HIF1A: variants seen among roughly 807,000 people sequenced by gnomAD.
The protein encoded by HIF1A is hypoxia inducible factor 1 subunit alpha, also known as hypoxia-inducible factor 1-alpha.
HIF1A carries 24 observed loss-of-function variants against 92.7 expected under a neutral mutation model. That is an observed-to-expected ratio of 0.26 (90% confidence interval 0.19 to 0.36). HIF1A has a LOEUF of 0.36. Among genes scored for constraint, HIF1A ranks in the 10% least tolerant of loss-of-function variants. The pLI, the probability that HIF1A is intolerant of heterozygous loss-of-function variation, is 1.00. For synonymous variants in HIF1A, 319 were observed against 338.7 expected, an observed-to-expected ratio of 0.94 and a Z score of 0.64; for missense variants, 799 against 998.5, an observed-to-expected ratio of 0.80 and a Z score of 2.69.
intron 1 of HIF1A, among the ~76,000 whole-genome samples, chr14:61,712,986 A>G (rs1326291677): frequency 6.6e-6 from 1 of 151,782 alleles, no homozygotes; most frequent in African/African-American, 2.4e-5. Flanking sequence ...AAACAAAATG[A>G]TGTTTGAATT....
intron 1 of HIF1A, among the ~76,000 whole-genome samples, chr14:61,704,311 G>C (rs939704618): frequency 2.6e-5 from 4 of 152,166 alleles, no homozygotes; most frequent in African/African-American, 4.8e-5. Context: ...TGGCAGAATA[G>C]TTACTGATGC....
chr14:61,720,117 G>A (rs1031568276), intron 1 of HIF1A, among the ~76,000 whole-genome samples: 1 of 152,146 alleles, frequency 6.6e-6, no homozygotes, highest in Non-Finnish European at 1.5e-5. Flanking sequence ...TACATATGCT[G>A]GGGAGGAAAC....
At chr14:61,723,006 C>T (rs886868093) in intron 4 of HIF1A, among the ~76,000 whole-genome samples, 2 of 152,094 alleles carry the variant, frequency 1.3e-5, no homozygotes, top group South Asian at 4.1e-4. Flanking sequence ...ACATTTGTGC[C>T]TTCTTAAGCA....
At chr14:61,736,208 C>T (rs1348890932) in intron 8 of HIF1A, among the ~76,000 whole-genome samples, 1 of 152,114 alleles carries the variant, frequency 6.6e-6, no homozygotes, top group Non-Finnish European at 1.5e-5. Flanking sequence ...AACTCCCAGG[C>T]TCAAGCGATC....
chr14:61,733,992 G>T lies in HIF1A; in HGVS notation c.881-146G>T, dbSNP rs1428237688. 5.7e-6 allele frequency: 3 copies of T among 524,268 alleles called. No homozygotes were observed. The African/African-American group carries it at 5.9e-5, about 10-fold the overall frequency. The allele number at this position is 524,268 out of a possible 1,614,324, so 32.5% of individuals were successfully genotyped here. On this transcript the variant is annotated intron_variant, in intron 7 of 14. Coordinates refer to ENST00000337138, the MANE Select transcript of HIF1A (RefSeq NM_001530.4). ...ATTTTCAGCTATTCTGGGACGCACT[G>T]TCAGAATGTAAGCAGTTACAACTGA...
intron 14 of HIF1A, among the ~76,000 whole-genome samples, chr14:61,746,524 C>T (rs1034113387): frequency 1.3e-5 from 2 of 151,604 alleles, no homozygotes; most frequent in African/African-American, 4.9e-5. Context: ...CTACCTCAGC[C>T]TCCTGAGTAG....
chr14:61,726,857 T>A (rs1458740962), intron 5 of HIF1A, 39 bp downstream of exon 5: 1 of 1,137,240 alleles, frequency 8.8e-7, no homozygotes, highest in Non-Finnish European at 1.3e-6. Context: ...TACACTTTAT[T>A]TATACATAGA....
chr14:61,706,002 T>G (rs1594858429), intron 1 of HIF1A, among the ~76,000 whole-genome samples: 1 of 152,300 alleles, frequency 6.6e-6, no homozygotes, highest in Non-Finnish European at 1.5e-5. Flanking sequence ...TTATGCATCT[T>G]CTATTAAAGT....
In HIF1A at chr14:61,741,162, C is replaced by T. The variant is rs776789375; in HGVS notation, c.2067C>T (p.Asn689=). Residue 689 remains asparagine, a synonymous_variant, in exon 12 of 15, where the codon AAC becomes AAT. Transcript: ENST00000337138. ...QTEKSHPRSP[N]VLSVALSQRT... ...AAAAATCTCATCCAAGAAGCCCTAA[C>T]GTGTTATCTGTCGCTTTGAGTCAAA... 26 of 1,604,964 alleles carry T rather than the reference C, an allele frequency of 1.6e-5. No individual in the cohort carries two copies. The South Asian group carries it at 2.0e-4, about 12-fold the overall frequency.
At position 61,734,128 on chromosome 14, in the gene HIF1A, TC is replaced by T. The variant is rs112401635; in HGVS notation, c.881-4del. 2.6e-6 allele frequency: 4 copies of T among 1,512,754 alleles called. No homozygotes were observed. Among genetic ancestry groups the T allele is most frequent in the Non-Finnish European group, 3.5e-6 (4 of 1,127,594 alleles). 93.7% of individuals were successfully genotyped at this position (1,512,754 alleles called of 1,614,324 possible). On this transcript the variant is annotated splice_polypyrimidine_tract_variant and intron_variant, in intron 7 of 14. Transcript: ENST00000337138. ...TTTCTCTGCATGATTCTTTTTCTTT[TC>T]CCCCCTAGTGTTTACTAAAGGACAA...
At chr14:61,746,890 T>C in intron 14 of HIF1A, 44 bp from the exon 15 acceptor site, 2 of 1,452,792 alleles carry the variant, frequency 1.4e-6, no homozygotes, top group South Asian at 1.3e-5. Flanking sequence ...TAAATATTCA[T>C]TGACTAGATG....
intron 1 of HIF1A, among the ~76,000 whole-genome samples, chr14:61,706,253 C>G (rs567324413): frequency 6.6e-6 from 1 of 152,270 alleles, no homozygotes; most frequent in Admixed American, 6.5e-5. Context: ...TGATTCTTCA[C>G]TCTTGAATGT....
intron 1 of HIF1A, among the ~76,000 whole-genome samples, chr14:61,713,659 C>T (rs189492223): frequency 3.3e-5 from 5 of 152,200 alleles, no homozygotes; most frequent in African/African-American, 9.6e-5. Flanking sequence ...CCTCGCCCTA[C>T]ACATCTCTTC....
At chr14:61,703,607 TAC>T (rs1216887533) in intron 1 of HIF1A, among the ~76,000 whole-genome samples, 2 of 151,324 alleles carry the variant, frequency 1.3e-5, no homozygotes, top group African/African-American at 2.4e-5. Context: ...CCTGCATCCA[TAC>T]AGTTTGTAAT....
In HIF1A at chr14:61,747,124, G is replaced by T; in HGVS notation, c.*39G>T. ...TTCATTCCTTTTTTTGGACACTGGT[G>T]GCTCATTACCTAAAGCAGTCTATTT... is the stretch of plus-strand genomic sequence containing the variant. On this transcript the variant is annotated 3_prime_UTR_variant, in exon 15 of 15. Coordinates refer to ENST00000337138, the MANE Select transcript of HIF1A (RefSeq NM_001530.4). 1 of 1,564,996 alleles carries T rather than the reference G, an allele frequency of 6.4e-7. No homozygotes were observed. The highest frequency in any genetic ancestry group is 1.2e-5 in the South Asian group (1 of 85,038).
chr14:61,696,120 G>C (rs2140112403), intron 1 of HIF1A, among the ~76,000 whole-genome samples: 1 of 152,286 alleles, frequency 6.6e-6, no homozygotes, highest in Admixed American at 6.5e-5. Flanking sequence ...TGGGGGCCTC[G>C]CGCCGCCCAC....
chr14:61,725,826 C>CT lies in HIF1A; in HGVS notation c.458-869dup, dbSNP rs1202525524. ...CTTAATTCTGACTTTATTTCTGTAG[C>CT]TTTTTTTTTTTGAGATGGATTCTCG... On this transcript the variant is annotated intron_variant, in intron 4 of 14. Coordinates refer to ENST00000337138, the MANE Select transcript of HIF1A (RefSeq NM_001530.4). Among the ~76,000 whole-genome samples the CT allele has an allele frequency of 6.3e-3, 918 of 145,232 alleles. 8 individuals carry two copies. Among genetic ancestry groups the CT allele is most frequent in the African/African-American group, 0.018 (727 of 39,792 alleles).
chr14:61,728,456 CTAAG>C (rs2044534811), intron 6 of HIF1A, among the ~76,000 whole-genome samples: 1 of 152,198 alleles, frequency 6.6e-6, no homozygotes, highest in Non-Finnish European at 1.5e-5. Flanking sequence ...GTATTGTAAA[CTAAG>C]TATTACTGTA....
intron 1 of HIF1A, among the ~76,000 whole-genome samples, chr14:61,706,987 C>G (rs140300794): frequency 6.6e-5 from 10 of 152,220 alleles, no homozygotes; most frequent in African/African-American, 2.4e-4. Context: ...TTTATAATTA[C>G]TAAGTTCTAA....
Sources: gnomAD v4.1 joint callset for allele counts (sites outside exome capture counted in the v4.1 genomes callset) on GRCh38, gnomAD v4.1.1 for gene constraint, MANE v1.5 for transcripts, NCBI Gene and HGNC (gene_info 2026-07-23, HGNC 2026-07-21) for gene names.